The following KTN1 variants were observed in gnomAD, a reference collection of about 807,000 sequenced individuals.
KTN1 encodes the protein kinectin.
In KTN1, 130 loss-of-function variants were observed where a neutral mutation model predicts 222.5. The ratio of observed to expected loss-of-function variants is 0.58; its 90% CI spans 0.51 to 0.68. KTN1 has a LOEUF of 0.68. Ranked by LOEUF, KTN1 falls within the 30% of genes least tolerant of loss-of-function variation. KTN1 has a pLI of 0.00. For missense variants in KTN1, 1,508 were observed against 1,500.4 expected (o/e 1.01, Z -0.08); for synonymous variants, 512 against 496.3 (o/e 1.03, Z -0.42).
chr14:55,644,275 A>G lies in KTN1; in HGVS notation c.2172+2515A>G, dbSNP rs1368511058. On this transcript the variant is annotated intron_variant, in intron 18 of 43. Coordinates refer to ENST00000395314, the MANE Select transcript of KTN1 (RefSeq NM_001079521.2). ...CTTTCTATCCCACAGTCAGAATTCC[A>G]AGTGACAGTTGAGAGATTGAACAGT... 1.7e-5 allele frequency: 10 copies of G among 574,068 alleles called. No homozygotes were observed. In the East Asian group the frequency reaches 2.9e-4, roughly 17 times the overall value. The allele number at this position is 574,068 out of a possible 1,614,324, so 35.6% of individuals were successfully genotyped here. A position where few individuals can be genotyped will look rare whatever the true frequency, so the allele number is the denominator to read the frequency against.
In KTN1 at chr14:55,590,112, T is replaced by C. The variant is rs116228266; in HGVS notation, c.-31+9758T>C. ...TTTTTGGGGAAAATTTCTTCCAAAG[T>C]AGGAATAACTTTCTACAATTATTCA... On this transcript the variant is annotated intron_variant, in intron 1 of 43. Coordinates refer to ENST00000395314, the MANE Select transcript of KTN1 (RefSeq NM_001079521.2). Among the ~76,000 whole-genome samples, 918 of 152,328 alleles carry C rather than the reference T, an allele frequency of 6.0e-3. 8 individuals carry two copies. The highest frequency in any genetic ancestry group is 0.023 in the South Asian group (110 of 4,824).
intron 2 of KTN1, among the ~76,000 whole-genome samples, chr14:55,614,696 G>A (rs2038091537): frequency 6.6e-6 from 1 of 152,200 alleles, no homozygotes; most frequent in Non-Finnish European, 1.5e-5. Flanking sequence ...TTCATAATAT[G>A]TTTATGACTG....
intron 11 of KTN1, 110 bp from the exon 12 acceptor site, chr14:55,637,668 TA>T (rs904846056): frequency 0.055 from 32,030 of 583,734 alleles, no homozygotes; most frequent in South Asian, 0.067. Context: ...AAGAATGCCT[TA>T]AAAAAAAAAA....
At chr14:55,659,485 A>G (rs1249544084) in intron 30 of KTN1, among the ~76,000 whole-genome samples, 181 bp from the exon 31 acceptor site, 4 of 152,104 alleles carry the variant, frequency 2.6e-5, no homozygotes, top group African/African-American at 2.4e-5. Flanking sequence ...CATTCCATAC[A>G]TTTTACAGAT....
chr14:55,631,890 T>C (rs1456842993), intron 7 of KTN1, among the ~76,000 whole-genome samples: 2 of 152,222 alleles, frequency 1.3e-5, no homozygotes, highest in Non-Finnish European at 2.9e-5. Context: ...TATTAATAGG[T>C]TTGTCATTTT....
At chr14:55,603,220 C>T (rs2036237986) in intron 1 of KTN1, among the ~76,000 whole-genome samples, 1 of 151,946 alleles carries the variant, frequency 6.6e-6, no homozygotes, top group African/African-American at 2.4e-5. Context: ...TCTTTAAAAA[C>T]CAAACTGTTA....
chr14:55,673,957 T>C (rs1314511691), intron 40 of KTN1: 2 of 152,118 alleles, frequency 1.3e-5, no homozygotes, highest in Non-Finnish European at 2.9e-5. Flanking sequence ...GCAATTGTTA[T>C]GTCTTCCTTG....
intron 1 of KTN1, among the ~76,000 whole-genome samples, chr14:55,587,008 C>T (rs1417295141): frequency 6.6e-6 from 1 of 152,142 alleles, no homozygotes; most frequent in Non-Finnish European, 1.5e-5. Context: ...TATTTTTATT[C>T]ATTGCATTAT....
chr14:55,589,543 C>G (rs971511964), intron 1 of KTN1, among the ~76,000 whole-genome samples: 2 of 151,912 alleles, frequency 1.3e-5, no homozygotes, highest in Non-Finnish European at 1.5e-5. Context: ...CTCCTGAAAT[C>G]AAGTGATCCA....
intron 5 of KTN1, among the ~76,000 whole-genome samples, chr14:55,619,815 C>T (rs2038894046): frequency 6.6e-6 from 1 of 152,082 alleles, no homozygotes; most frequent in Non-Finnish European, 1.5e-5. Flanking sequence ...CACAGCCAAA[C>T]CATAACATTC....
At chr14:55,583,647 G>GT (rs1225406208) in intron 1 of KTN1, among the ~76,000 whole-genome samples, 1 of 152,088 alleles carries the variant, frequency 6.6e-6, no homozygotes, top group Non-Finnish European at 1.5e-5. Context: ...CTCAGTCCTT[G>GT]TTTCACTTTT....
intron 43 of KTN1, chr14:55,680,723 C>T: frequency 7.3e-7 from 1 of 1,364,934 alleles, no homozygotes; most frequent in Non-Finnish European, 9.8e-7. Context: ...ACATGCTCTC[C>T]TTCAAAATGC....
intron 33 of KTN1, among the ~76,000 whole-genome samples, 154 bp from the exon 34 acceptor site, chr14:55,667,082 ATATCT>A (rs1421668119): frequency 3.9e-5 from 6 of 152,014 alleles, no homozygotes; most frequent in African/African-American, 1.4e-4. Context: ...GAGCATTTTA[ATATCT>A]TAAAGTGGGA....
rs1350351597 is a variant in KTN1 at position 55,636,433 on chromosome 14, C to T, written c.1462-16C>T. The T allele has an allele frequency of 1.3e-6, 2 of 1,585,292 alleles. No individual in the cohort carries two copies. The highest frequency in any genetic ancestry group is 1.7e-6 in the Non-Finnish European group (2 of 1,159,296). Reference sequence around the variant, plus strand: ...GTTTGTGCTAATTTATCCTTTCTCCCTTTTAAAATACCAAGGTTCAACTAC... The same window carrying T: ...GTTTGTGCTAATTTATCCTTTCTCCTTTTTAAAATACCAAGGTTCAACTAC... On this transcript the variant is annotated splice_polypyrimidine_tract_variant and intron_variant, in intron 9 of 43. Transcript: ENST00000395314.
chr14:55,650,398 A>G lies in KTN1; in HGVS notation c.2476A>G (p.Asn826Asp). 1 of 1,610,574 alleles carries G rather than the reference A, an allele frequency of 6.2e-7. No homozygotes were observed. Among genetic ancestry groups the G allele is most frequent in the Non-Finnish European group, 8.5e-7 (1 of 1,178,430 alleles). ...GGAGGCAGAACTTCTCAAAGTTGCT[A>G]ACAAGGAGAAAACTGTTCAGGTATT... ...LLEAELLKVANKEKTVQDLKQ... is the reference protein window; with the variant it reads ...LLEAELLKVADKEKTVQDLKQ... The change falls in exon 23 of 44, where the codon AAC becomes GAC. Residue 826 changes from asparagine (N) to aspartate (D), a missense_variant. Physicochemically the swap from Asn to Asp is conservative, Grantham distance 23 (BLOSUM62 1). Transcript: ENST00000395314.
At chr14:55,659,852 G>A (rs931380652) in intron 31 of KTN1, 149 bp downstream of exon 31, 29 of 532,306 alleles carry the variant, frequency 5.4e-5, no homozygotes, top group African/African-American at 3.5e-4. Flanking sequence ...TTAGAGTTGA[G>A]TAGTACCTTT....
intron 21 of KTN1, 147 bp from the exon 22 acceptor site, chr14:55,649,629 G>T: frequency 1.8e-6 from 1 of 567,556 alleles, no homozygotes; most frequent in Admixed American, 4.0e-5. Context: ...TCATTATTAT[G>T]ACATTAAAAA....
chr14:55,678,200 G>A, intron 41 of KTN1, 152 bp from the exon 42 acceptor site: 3 of 569,700 alleles, frequency 5.3e-6, no homozygotes, highest in Non-Finnish European at 6.2e-6. Context: ...TTATAATCTG[G>A]TGGGGGGTGA....
intron 5 of KTN1, among the ~76,000 whole-genome samples, chr14:55,625,362 A>G (rs1203034486): frequency 6.6e-6 from 1 of 152,204 alleles, no homozygotes; most frequent in Non-Finnish European, 1.5e-5. Context: ...TACTTGCTTC[A>G]GTTATATTTT....
Sources: allele counts gnomAD v4.1 joint callset (sites outside exome capture counted in the v4.1 genomes callset), GRCh38; gene constraint gnomAD v4.1.1; transcripts MANE v1.5; gene names NCBI Gene and HGNC (gene_info 2026-07-23, HGNC 2026-07-21).